Variants in LIN7A observed in about 807,000 individuals in gnomAD.
LIN7A encodes lin-7 cell polarity scaffold A.
Under a neutral mutation model 29.8 loss-of-function variants are expected in LIN7A, and 25 were observed. The observed-to-expected ratio is 0.84, with a 90% confidence interval of 0.61 to 1.17. The LOEUF (loss-of-function observed/expected upper bound fraction) is 1.17, where lower values mean the gene tolerates loss of function less well. Ranked by LOEUF, LIN7A falls within the 50% of genes most tolerant of loss-of-function variation. The pLI is 0.00. For missense variants in LIN7A, 239 were observed against 287.0 expected (o/e 0.83, Z 1.21); for synonymous variants, 118 against 107.5 (o/e 1.10, Z -0.60).
intron 4 of LIN7A, among the ~76,000 whole-genome samples, chr12:80,832,902 T>C (rs903816341): frequency 9.2e-5 from 14 of 152,052 alleles, no homozygotes; most frequent in African/African-American, 3.4e-4. Flanking sequence ...CTGGGGACAT[T>C]TTTTGTTGTG....
chr12:80,932,043 C>A (rs1030819090), intron 1 of LIN7A, among the ~76,000 whole-genome samples: 1 of 152,142 alleles, frequency 6.6e-6, no homozygotes, highest in Admixed American at 6.5e-5. Flanking sequence ...GGAGTGTAAG[C>A]AAAAGCAATT....
chr12:80,810,712 G>A (rs1046329584), intron 5 of LIN7A, among the ~76,000 whole-genome samples: 1 of 152,168 alleles, frequency 6.6e-6, no homozygotes, highest in African/African-American at 2.4e-5. Flanking sequence ...CACCAACGGT[G>A]TACAAGGGTT....
chr12:80,914,181 A>G (rs991763825), intron 1 of LIN7A, among the ~76,000 whole-genome samples: 31 of 152,202 alleles, frequency 2.0e-4, no homozygotes, highest in African/African-American at 7.5e-4. Flanking sequence ...TTACTATAAT[A>G]ATAGAGTCCA....
intron 4 of LIN7A, among the ~76,000 whole-genome samples, chr12:80,824,801 A>G (rs1009534229): frequency 2.6e-5 from 4 of 152,246 alleles, no homozygotes; most frequent in African/African-American, 9.6e-5. Flanking sequence ...AAAGCTTTTG[A>G]CAAAATCCAG....
intron 1 of LIN7A, among the ~76,000 whole-genome samples, chr12:80,898,726 A>C (rs1876040186): frequency 6.6e-6 from 1 of 151,884 alleles, no homozygotes; most frequent in African/African-American, 2.4e-5. Context: ...ATTCCTAGCT[A>C]TTTTATTCTT....
chr12:80,807,073 T>TG (rs1425570475), intron 5 of LIN7A, among the ~76,000 whole-genome samples: 15,011 of 52,564 alleles, frequency 0.29, 1,589 homozygotes, highest in East Asian at 0.49. Context: ...GTTTTTTTTT[T>TG]TTTTTTTTTT....
intron 4 of LIN7A, among the ~76,000 whole-genome samples, chr12:80,840,567 G>A (rs1461954250): frequency 6.6e-6 from 1 of 151,852 alleles, no homozygotes; most frequent in Non-Finnish European, 1.5e-5. Context: ...AGAACATAAT[G>A]TAAATACTGT....
chr12:80,881,531 A>T (rs1482364648), intron 2 of LIN7A, among the ~76,000 whole-genome samples: 2 of 152,188 alleles, frequency 1.3e-5, no homozygotes, highest in Non-Finnish European at 2.9e-5. Flanking sequence ...AAAATATTTT[A>T]AAACAATAAA....
intron 4 of LIN7A, among the ~76,000 whole-genome samples, chr12:80,829,662 T>C (rs1257866348): frequency 6.6e-6 from 1 of 152,040 alleles, no homozygotes; most frequent in Non-Finnish European, 1.5e-5. Context: ...CCACAGAGAG[T>C]AATCAGTTGA....
chr12:80,898,296 T>A (rs1231459293), intron 1 of LIN7A, among the ~76,000 whole-genome samples: 1 of 152,196 alleles, frequency 6.6e-6, no homozygotes, highest in Non-Finnish European at 1.5e-5. Context: ...GCAACATTAT[T>A]TCTGGGCTCT....
chr12:80,927,454 A>T (rs1435227375), intron 1 of LIN7A, among the ~76,000 whole-genome samples: 3 of 152,150 alleles, frequency 2.0e-5, no homozygotes, highest in Non-Finnish European at 4.4e-5. Flanking sequence ...CGGCCACAGT[A>T]AATTATTTTC....
chr12:80,832,803 A>T (rs917989959), intron 4 of LIN7A, among the ~76,000 whole-genome samples: 1 of 152,176 alleles, frequency 6.6e-6, no homozygotes, highest in Non-Finnish European at 1.5e-5. Context: ...ATGGTTTGGA[A>T]CTGTTTTCAT....
chr12:80,829,100 C>G (rs1464581733), intron 4 of LIN7A, among the ~76,000 whole-genome samples: 1 of 152,060 alleles, frequency 6.6e-6, no homozygotes, highest in East Asian at 1.9e-4. Flanking sequence ...GAAGGTGGGA[C>G]AAAGCATAAT....
At chr12:80,816,771 T>C (rs1871558095) in intron 4 of LIN7A, among the ~76,000 whole-genome samples, 1 of 151,796 alleles carries the variant, frequency 6.6e-6, no homozygotes, top group Non-Finnish European at 1.5e-5. Context: ...AGGTTTTCTT[T>C]GCTTCGTTTT....
chr12:80,911,642 T>C (rs1170273476), intron 1 of LIN7A, among the ~76,000 whole-genome samples: 3 of 152,188 alleles, frequency 2.0e-5, no homozygotes, highest in Non-Finnish European at 4.4e-5. Context: ...TAGGATCTAA[T>C]TGACTCAAAA....
chr12:80,830,041 C>A (rs994480330), intron 4 of LIN7A, among the ~76,000 whole-genome samples: 1 of 152,024 alleles, frequency 6.6e-6, no homozygotes, highest in African/African-American at 2.4e-5. Context: ...GTGATCTGGC[C>A]CCTGTGTATA....
At chr12:80,856,658 G>T (rs1027639366) in intron 2 of LIN7A, among the ~76,000 whole-genome samples, 1 of 152,046 alleles carries the variant, frequency 6.6e-6, no homozygotes, top group South Asian at 2.1e-4. Flanking sequence ...AGTGCCTTTG[G>T]CTACAAAGTG....
intron 1 of LIN7A, among the ~76,000 whole-genome samples, chr12:80,911,476 T>G (rs1876746060): frequency 6.6e-6 from 1 of 151,978 alleles, no homozygotes; most frequent in Admixed American, 6.6e-5. Context: ...ATTTTAAAAT[T>G]TATAAACAAG....
chr12:80,896,036 G>T (rs1179019120), intron 1 of LIN7A, among the ~76,000 whole-genome samples: 2 of 152,290 alleles, frequency 1.3e-5, no homozygotes, highest in African/African-American at 4.8e-5. Context: ...TGCTTTTCTA[G>T]GTTTCCGGGA....
Sources: gnomAD v4.1 joint callset for allele counts (sites outside exome capture counted in the v4.1 genomes callset) on GRCh38, gnomAD v4.1.1 for gene constraint, MANE v1.5 for transcripts, NCBI Gene and HGNC (gene_info 2026-07-23, HGNC 2026-07-21) for gene names.